The following C8orf34 variants were observed in gnomAD, a reference collection of about 807,000 sequenced individuals.
C8orf34 encodes chromosome 8 open reading frame 34.
A neutral mutation model predicts 68.3 loss-of-function variants in C8orf34; 65 were observed. The observed-to-expected ratio is 0.95, with a 90% CI of 0.78 to 1.17. The LOEUF is 1.17. Ranked by LOEUF, C8orf34 falls within the 50% of genes most tolerant of loss-of-function variation. The probability of loss-of-function intolerance (pLI) is 0.00; values close to 1 mark genes in which losing one functional copy is unlikely to be tolerated. For synonymous variants in C8orf34, 244 were observed against 241.2 expected, an observed-to-expected ratio of 1.01 and a Z score of -0.11; for missense variants, 664 against 655.4, an observed-to-expected ratio of 1.01 and a Z score of -0.14.
At chr8:68,360,756 C>CT (rs397955906) in intron 1 of C8orf34, among the ~76,000 whole-genome samples, 15,254 of 134,700 alleles carry the variant, frequency 0.11, 1,006 homozygotes, top group African/African-American at 0.16. Flanking sequence ...TTCTTCCTTT[C>CT]TTTTTTTTTT....
intron 10 of C8orf34, among the ~76,000 whole-genome samples, chr8:68,775,751 G>T (rs994930542): frequency 6.6e-6 from 1 of 152,140 alleles, no homozygotes; most frequent in African/African-American, 2.4e-5. Flanking sequence ...AACAGAAAAT[G>T]TTACACAATT....
intron 1 of C8orf34, among the ~76,000 whole-genome samples, chr8:68,389,372 T>C (rs995995451): frequency 6.6e-6 from 1 of 152,120 alleles, no homozygotes; most frequent in Non-Finnish European, 1.5e-5. Flanking sequence ...GCATCATATA[T>C]ATAAGTGCTA....
At chr8:68,475,879 G>A (rs1051014689) in intron 4 of C8orf34, among the ~76,000 whole-genome samples, 2 of 152,120 alleles carry the variant, frequency 1.3e-5, no homozygotes, top group African/African-American at 2.4e-5. Context: ...ATTGGTCCAT[G>A]GATTTCAGTT....
At chr8:68,475,274 A>G (rs1812558473) in intron 4 of C8orf34, among the ~76,000 whole-genome samples, 1 of 152,148 alleles carries the variant, frequency 6.6e-6, no homozygotes, top group Non-Finnish European at 1.5e-5. Flanking sequence ...GTAGATTTGC[A>G]TCCCCTCTCT....
chr8:68,619,215 A>G (rs1818316996), intron 7 of C8orf34, among the ~76,000 whole-genome samples: 1 of 152,202 alleles, frequency 6.6e-6, no homozygotes, highest in African/African-American at 2.4e-5. Flanking sequence ...AGTCCCAGCT[A>G]CTTGAAAAGC....
At chr8:68,575,956 G>GGTTTTTTTTTTTTTT (rs747862590) in intron 7 of C8orf34, among the ~76,000 whole-genome samples, 2 of 96,348 alleles carry the variant, frequency 2.1e-5, no homozygotes, top group Non-Finnish European at 2.1e-5. Context: ...GTAGATGGTT[G>GGTTTTTTTTTTTTTT]TTTTTTTTTT....
At chr8:68,439,438 T>A in intron 1 of C8orf34, 61 bp from the exon 2 acceptor site, 1 of 1,510,874 alleles carries the variant, frequency 6.6e-7, no homozygotes, top group Non-Finnish European at 9.1e-7. Flanking sequence ...GCTAAGTAAG[T>A]GCTTGCTATT....
intron 4 of C8orf34, among the ~76,000 whole-genome samples, chr8:68,475,683 C>T (rs983673092): frequency 1.3e-5 from 2 of 152,036 alleles, no homozygotes; most frequent in East Asian, 3.9e-4. Context: ...AATAAACATC[C>T]TAAAAGCTAA....
At position 68,752,406 on chromosome 8, in the gene C8orf34, C is replaced by T. The variant is rs79571412; in HGVS notation, c.1405-23993C>T. Among the ~76,000 whole-genome samples the T allele has an allele frequency of 5.4e-3, 824 of 152,244 alleles. 10 individuals carry two copies. The highest frequency in any genetic ancestry group is 0.018 in the African/African-American group (730 of 41,536). ...CTGGTTCTACTGTGCTGGAACCAGGCGGTATGGCTCCCTGGCTGGGTAGGG... is the reference window on the plus strand; with the variant it reads ...CTGGTTCTACTGTGCTGGAACCAGGTGGTATGGCTCCCTGGCTGGGTAGGG... On this transcript the variant is annotated intron_variant, in intron 10 of 13. Transcript: ENST00000518698.
At chr8:68,601,922 T>A (rs1179451718) in intron 7 of C8orf34, among the ~76,000 whole-genome samples, 2 of 152,158 alleles carry the variant, frequency 1.3e-5, no homozygotes. Context: ...GATGTGGATG[T>A]TCCATTTCCC....
At chr8:68,593,773 T>G (rs924756559) in intron 7 of C8orf34, among the ~76,000 whole-genome samples, 2 of 152,052 alleles carry the variant, frequency 1.3e-5, no homozygotes, top group African/African-American at 4.8e-5. Context: ...TGTTTGCTGT[T>G]TTTATTCAGT....
chr8:68,596,677 C>T (rs1274160313), intron 7 of C8orf34, among the ~76,000 whole-genome samples: 1 of 152,136 alleles, frequency 6.6e-6, no homozygotes, highest in Non-Finnish European at 1.5e-5. Context: ...AGTATATTAA[C>T]CACAAGCCTA....
intron 12 of C8orf34, among the ~76,000 whole-genome samples, chr8:68,804,647 C>G (rs1043060872): frequency 1.3e-5 from 2 of 152,060 alleles, no homozygotes; most frequent in Non-Finnish European, 2.9e-5. Context: ...AGGTGCATAT[C>G]TGTATTCCTA....
intron 5 of C8orf34, among the ~76,000 whole-genome samples, chr8:68,488,665 G>A (rs952725200): frequency 3.3e-5 from 5 of 152,168 alleles, no homozygotes; most frequent in Admixed American, 2.0e-4. Flanking sequence ...TTGTGGTACT[G>A]CTTACTAAAA....
chr8:68,559,002 T>A (rs2130136816), intron 7 of C8orf34, among the ~76,000 whole-genome samples: 1 of 152,312 alleles, frequency 6.6e-6, no homozygotes, highest in South Asian at 2.1e-4. Flanking sequence ...GAAGACATGA[T>A]TAACAAGATC....
At chr8:68,443,824 G>A (rs575715936) in intron 2 of C8orf34, among the ~76,000 whole-genome samples, 33 of 152,084 alleles carry the variant, frequency 2.2e-4, no homozygotes, top group Non-Finnish European at 2.9e-4. Context: ...AGCAACATGG[G>A]ACACAACATT....
chr8:68,421,860 C>G (rs1809990263), intron 1 of C8orf34, among the ~76,000 whole-genome samples: 1 of 152,180 alleles, frequency 6.6e-6, no homozygotes, highest in Admixed American at 6.5e-5. Flanking sequence ...CCTCAAGTAA[C>G]TTACATTCAT....
intron 1 of C8orf34, among the ~76,000 whole-genome samples, chr8:68,437,034 C>T (rs988380717): frequency 3.3e-5 from 5 of 152,162 alleles, no homozygotes; most frequent in African/African-American, 1.2e-4. Context: ...AAACTAGACT[C>T]TTGTCCAACC....
intron 1 of C8orf34, among the ~76,000 whole-genome samples, chr8:68,418,414 T>A (rs1044771982): frequency 1.1e-4 from 17 of 152,132 alleles, no homozygotes; most frequent in Admixed American, 4.6e-4. Flanking sequence ...CCATTCAGTA[T>A]GATATTGGCT....
Sources: allele counts gnomAD v4.1 joint callset (sites outside exome capture counted in the v4.1 genomes callset), GRCh38; gene constraint gnomAD v4.1.1; transcripts MANE v1.5; gene names NCBI Gene and HGNC (gene_info 2026-07-23, HGNC 2026-07-21).